FAM110B: variants seen among roughly 807,000 people sequenced by gnomAD.
FAM110B encodes the protein family with sequence similarity 110 member B.
Under a neutral mutation model 20.4 loss-of-function variants are expected in FAM110B, and 6 were observed. The observed-to-expected ratio is 0.29, with a 90% confidence interval of 0.16 to 0.58. The LOEUF is 0.58. Among genes scored for constraint, FAM110B ranks in the 20% least tolerant of loss-of-function variants. The pLI, the probability that FAM110B is intolerant of heterozygous loss-of-function variation, is 0.90. For missense variants in FAM110B, 434 were observed against 498.2 expected (o/e 0.87, Z 1.23); for synonymous variants, 226 against 214.1 (o/e 1.06, Z -0.49).
chr8:58,023,653 T>C (rs1343992987), intron 1 of FAM110B, among the ~76,000 whole-genome samples: 2 of 152,194 alleles, frequency 1.3e-5, no homozygotes, highest in Admixed American at 6.5e-5. Context: ...ATCTAGCTGC[T>C]GCTCACATGT....
chr8:58,116,622 A>G (rs145793755), intron 3 of FAM110B, among the ~76,000 whole-genome samples: 10 of 152,286 alleles, frequency 6.6e-5, no homozygotes, highest in African/African-American at 2.4e-4. Context: ...GACCAGATAT[A>G]TTTCGTAATA....
chr8:57,996,436 T>G (rs1804186502), intron 1 of FAM110B, among the ~76,000 whole-genome samples: 1 of 152,182 alleles, frequency 6.6e-6, no homozygotes, highest in Non-Finnish European at 1.5e-5. Flanking sequence ...AAGTCTGTGG[T>G]TTTAATTTTA....
At chr8:58,141,777 C>T (rs571941771) in intron 3 of FAM110B, among the ~76,000 whole-genome samples, 12 of 152,270 alleles carry the variant, frequency 7.9e-5, no homozygotes, top group East Asian at 1.9e-4. Flanking sequence ...TTTGCTGTTG[C>T]GTCAACAATG....
chr8:58,048,481 G>T (rs769892266), intron 2 of FAM110B, among the ~76,000 whole-genome samples: 1 of 152,024 alleles, frequency 6.6e-6, no homozygotes, highest in Non-Finnish European at 1.5e-5. Flanking sequence ...TTCCTAGCTT[G>T]ATCATCTGCC....
rs938981327 is a variant in FAM110B, at chr8:58,031,589, C to A, written c.-511-17C>A. ...ATTCTCCAGCATAATTTTTAATCTGCGTCTTTTTCCTTTTAGAAATCTCCA... is the reference window on the plus strand; with the variant it reads ...ATTCTCCAGCATAATTTTTAATCTGAGTCTTTTTCCTTTTAGAAATCTCCA... On this transcript the variant is annotated splice_polypyrimidine_tract_variant and intron_variant, in intron 1 of 3. Coordinates refer to ENST00000519262, the MANE Select transcript of FAM110B (RefSeq NM_001377989.1). 2 of 152,172 alleles carry A rather than the reference C, an allele frequency of 1.3e-5. No homozygotes were observed. Among genetic ancestry groups the A allele is most frequent in the Non-Finnish European group, 2.9e-5 (2 of 68,026 alleles). The allele number at this position is 152,172 out of a possible 1,614,324, so 9.4% of individuals were successfully genotyped here.
rs571971368 is a variant in FAM110B at position 58,051,166 on chromosome 8, G to A, written c.-414+19463G>A. ...GCCAGTGGTGCCCAGATGAGGACTGGAGCCAGGTGTGCAGGTTTGCAATGA... is the reference window on the plus strand; with the variant it reads ...GCCAGTGGTGCCCAGATGAGGACTGAAGCCAGGTGTGCAGGTTTGCAATGA... On this transcript the variant is annotated intron_variant, in intron 2 of 3. Coordinates refer to ENST00000519262, the MANE Select transcript of FAM110B (RefSeq NM_001377989.1). 2.6e-5 allele frequency among the ~76,000 whole-genome samples: 4 copies of A among 152,306 alleles called. No individual in the cohort carries two copies. The South Asian group carries it at 8.3e-4, about 32-fold the overall frequency.
intron 2 of FAM110B, among the ~76,000 whole-genome samples, chr8:58,053,754 C>T (rs553828540): frequency 9.9e-5 from 15 of 152,256 alleles, no homozygotes; most frequent in Admixed American, 2.0e-4. Context: ...CAATATTTGG[C>T]TTAACTTAAA....
chr8:58,114,902 T>C (rs1050177210), intron 3 of FAM110B, among the ~76,000 whole-genome samples: 2 of 152,190 alleles, frequency 1.3e-5, no homozygotes, highest in African/African-American at 2.4e-5. Context: ...CCCCGTGTTG[T>C]GTTGCCCTCT....
chr8:58,066,293 C>T (rs566543420), intron 2 of FAM110B, among the ~76,000 whole-genome samples: 7 of 152,284 alleles, frequency 4.6e-5, no homozygotes, highest in South Asian at 2.1e-4. Context: ...TCCCTCTCAG[C>T]GGGCGACCTC....
At chr8:58,101,980 A>G (rs766691903) in intron 3 of FAM110B, among the ~76,000 whole-genome samples, 1 of 152,222 alleles carries the variant, frequency 6.6e-6, no homozygotes, top group Non-Finnish European at 1.5e-5. Flanking sequence ...GCCATTTAGA[A>G]GGTGCTCAGT....
At chr8:58,008,167 G>A (rs1006425605) in intron 1 of FAM110B, among the ~76,000 whole-genome samples, 4 of 130,098 alleles carry the variant, frequency 3.1e-5, no homozygotes, top group South Asian at 2.5e-4. Context: ...CACTCTTGTC[G>A]CCCAGGCTGG....
chr8:58,000,638 A>G (rs1804273974), intron 1 of FAM110B, among the ~76,000 whole-genome samples: 1 of 152,134 alleles, frequency 6.6e-6, no homozygotes, highest in Non-Finnish European at 1.5e-5. Flanking sequence ...TAGTCAGTTT[A>G]CTTTCTCTGG....
At chr8:58,068,950 A>C (rs1344461218) in intron 2 of FAM110B, among the ~76,000 whole-genome samples, 1 of 152,336 alleles carries the variant, frequency 6.6e-6, no homozygotes, top group South Asian at 2.1e-4. Flanking sequence ...AATTTATATC[A>C]TTAATAAAAA....
intron 2 of FAM110B, among the ~76,000 whole-genome samples, chr8:58,065,391 G>A (rs909876792): frequency 4.6e-5 from 7 of 152,086 alleles, no homozygotes; most frequent in African/African-American, 1.7e-4. Flanking sequence ...AAGAATCCCA[G>A]GTACTTTAGG....
chr8:58,110,265 G>A (rs569969694), intron 3 of FAM110B, among the ~76,000 whole-genome samples: 1 of 152,082 alleles, frequency 6.6e-6, no homozygotes, highest in African/African-American at 2.4e-5. Context: ...AGTGTAATTT[G>A]CCCCAGACCA....
At position 58,146,600 on chromosome 8, in the gene FAM110B, A is replaced by T; in HGVS notation, c.370A>T (p.Ile124Phe). Reference sequence around the variant, plus strand: ...CCTGAAGCTGGAGATCCTGAAGAACATCATCAATAGCTCCGAGGGCTCTAG... The same window carrying T: ...CCTGAAGCTGGAGATCCTGAAGAACTTCATCAATAGCTCCGAGGGCTCTAG... ...ENLKLEILKNIINSSEGSSSG... is the reference protein window; with the variant it reads ...ENLKLEILKNFINSSEGSSSG... The change falls in exon 4 of 4, where the codon ATC becomes TTC. Residue 124 changes from isoleucine to phenylalanine, a missense_variant. Coordinates refer to ENST00000519262, the MANE Select transcript of FAM110B (RefSeq NM_001377989.1). 1 of 1,614,046 alleles carries T rather than the reference A, an allele frequency of 6.2e-7. No individual in the cohort carries two copies. The highest frequency in any genetic ancestry group is 8.5e-7 in the Non-Finnish European group (1 of 1,179,960).
chr8:58,055,381 T>A (rs1459353924), intron 2 of FAM110B, among the ~76,000 whole-genome samples: 1 of 152,258 alleles, frequency 6.6e-6, no homozygotes, highest in Non-Finnish European at 1.5e-5. Context: ...ACTCTTCTCA[T>A]ACCTTGATAT....
chr8:58,085,197 C>T (rs556043291), intron 3 of FAM110B, among the ~76,000 whole-genome samples: 1 of 152,286 alleles, frequency 6.6e-6, no homozygotes, highest in East Asian at 1.9e-4. Flanking sequence ...TTCCTTTAAT[C>T]AACTGAAGAG....
chr8:58,124,265 A>G (rs896906702), intron 3 of FAM110B, among the ~76,000 whole-genome samples: 4 of 152,202 alleles, frequency 2.6e-5, no homozygotes, highest in Non-Finnish European at 5.9e-5. Context: ...GATTTGTACT[A>G]GAGGGAGCTC....
Sources: allele counts gnomAD v4.1 joint callset (sites outside exome capture counted in the v4.1 genomes callset), GRCh38; gene constraint gnomAD v4.1.1; transcripts MANE v1.5; gene names NCBI Gene and HGNC (gene_info 2026-07-23, HGNC 2026-07-21).